MACROD2: variants seen among roughly 807,000 people sequenced by gnomAD.
MACROD2 encodes the protein ADP-ribose glycohydrolase MACROD2.
MACROD2 carries 36 observed loss-of-function variants against 70.4 expected under a neutral mutation model. That is an observed-to-expected ratio of 0.51 (90% CI 0.39 to 0.68). The LOEUF is 0.68. MACROD2 is among the 30% of genes least tolerant of loss of function. MACROD2 has a pLI of 0.00. For missense variants in MACROD2, 496 were observed against 538.4 expected (o/e 0.92, Z 0.78); for synonymous variants, 172 against 178.8 (o/e 0.96, Z 0.30).
At chr20:15,200,881 A>G (rs1012888707) in intron 5 of MACROD2, among the ~76,000 whole-genome samples, 1 of 152,206 alleles carries the variant, frequency 6.6e-6, no homozygotes, top group African/African-American at 2.4e-5. Flanking sequence ...CTGTTGCTAG[A>G]CCATGGACCA....
chr20:14,359,167 G>A (rs773745764), intron 3 of MACROD2, among the ~76,000 whole-genome samples: 1 of 151,938 alleles, frequency 6.6e-6, no homozygotes, highest in Non-Finnish European at 1.5e-5. Flanking sequence ...CAGCCTGGGC[G>A]ACAGAGCAAG....
At chr20:14,994,745 GCCA>G (rs2074935395) in intron 5 of MACROD2, among the ~76,000 whole-genome samples, 1 of 152,146 alleles carries the variant, frequency 6.6e-6, no homozygotes, top group Non-Finnish European at 1.5e-5. Context: ...ATGCAAAAAT[GCCA>G]CTGTTTCAAT....
chr20:15,044,102 C>T (rs895282236), intron 5 of MACROD2, among the ~76,000 whole-genome samples: 1 of 152,134 alleles, frequency 6.6e-6, no homozygotes, highest in Non-Finnish European at 1.5e-5. Context: ...GCCTATCTCC[C>T]CTCCATGGAG....
At chr20:14,012,069 G>A (rs1371703280) in intron 2 of MACROD2, among the ~76,000 whole-genome samples, 1 of 151,938 alleles carries the variant, frequency 6.6e-6, no homozygotes, top group Non-Finnish European at 1.5e-5. Flanking sequence ...CCCCCGCCCA[G>A]CTAAATTTTG....
intron 3 of MACROD2, among the ~76,000 whole-genome samples, chr20:14,308,456 T>C (rs930758599): frequency 2.0e-5 from 3 of 152,066 alleles, no homozygotes; most frequent in African/African-American, 7.3e-5. Context: ...TGTGAGGGTG[T>C]TATTATTTTT....
chr20:14,428,313 CTCGAT>C (rs2083957520), intron 3 of MACROD2, among the ~76,000 whole-genome samples: 1 of 151,988 alleles, frequency 6.6e-6, no homozygotes, highest in South Asian at 2.1e-4. Context: ...AAAAATATGA[CTCGAT>C]TAATAAGATT....
chr20:14,188,952 A>G (rs1394275177), intron 3 of MACROD2, among the ~76,000 whole-genome samples: 1 of 152,128 alleles, frequency 6.6e-6, no homozygotes, highest in African/African-American at 2.4e-5. Context: ...AGTGCTTCTC[A>G]TTCTATTTCA....
chr20:14,538,206 T>C lies in MACROD2; in HGVS notation c.301+44698T>C, dbSNP rs1295666987. Among the ~76,000 whole-genome samples, 6 of 152,316 alleles carry C rather than the reference T, an allele frequency of 3.9e-5. No homozygotes were observed. In the East Asian group the frequency reaches 5.8e-4, roughly 15 times the overall value. ...CAACCGTGGGAGGGGGTGGAGCATA[T>C]GACCTGAGTAAGCTGTCTAGAGTCT... is the stretch of plus-strand genomic sequence containing the variant. On this transcript the variant is annotated intron_variant, in intron 4 of 17. Coordinates refer to ENST00000684519, the MANE Select transcript of MACROD2 (RefSeq NM_001351661.2).
chr20:15,093,520 G>A (rs918111442), intron 5 of MACROD2, among the ~76,000 whole-genome samples: 13 of 152,110 alleles, frequency 8.5e-5, no homozygotes, highest in Admixed American at 2.6e-4. Flanking sequence ...AGCTTGGTCC[G>A]TTGTGAAAAG....
chr20:15,548,910 G>A (rs983575847), intron 8 of MACROD2, among the ~76,000 whole-genome samples: 2 of 152,152 alleles, frequency 1.3e-5, no homozygotes, highest in Admixed American at 6.5e-5. Flanking sequence ...CCAGCCAATA[G>A]CCAGCATCAA....
chr20:14,846,023 A>G (rs549951463), intron 5 of MACROD2, among the ~76,000 whole-genome samples: 15 of 152,176 alleles, frequency 9.9e-5, no homozygotes, highest in Non-Finnish European at 2.1e-4. Context: ...TAATTTATCC[A>G]GGTGTTCTAT....
At chr20:15,088,268 G>A (rs1284797430) in intron 5 of MACROD2, among the ~76,000 whole-genome samples, 1 of 151,230 alleles carries the variant, frequency 6.6e-6, no homozygotes, top group Non-Finnish European at 1.5e-5. Flanking sequence ...AGTGTCTTTT[G>A]GTAAGAGAAT....
intron 4 of MACROD2, chr20:14,494,097 A>C (rs2084825102): frequency 6.6e-6 from 1 of 152,060 alleles, no homozygotes; most frequent in South Asian, 2.1e-4. Context: ...TGATACTAAA[A>C]TCTTGTAACT....
At chr20:14,647,003 C>A (rs1425002341) in intron 4 of MACROD2, among the ~76,000 whole-genome samples, 3 of 152,058 alleles carry the variant, frequency 2.0e-5, no homozygotes, top group Non-Finnish European at 4.4e-5. Flanking sequence ...TGCCGACCTT[C>A]TTGATGATCC....
At chr20:14,437,486 T>G (rs1424479142) in intron 3 of MACROD2, among the ~76,000 whole-genome samples, 3 of 151,980 alleles carry the variant, frequency 2.0e-5, no homozygotes, top group Admixed American at 2.0e-4. Context: ...CCTAGATACT[T>G]GGGAGGCTAA....
chr20:15,185,558 G>C (rs907738639), intron 5 of MACROD2, among the ~76,000 whole-genome samples: 2 of 152,068 alleles, frequency 1.3e-5, no homozygotes, highest in Admixed American at 6.6e-5. Flanking sequence ...ATTAGCTTAG[G>C]AACTCTTTAA....
intron 3 of MACROD2, among the ~76,000 whole-genome samples, chr20:14,188,703 A>T (rs2081363114): frequency 6.6e-6 from 1 of 151,972 alleles, no homozygotes; most frequent in Admixed American, 6.6e-5. Flanking sequence ...TTTGCCTTAA[A>T]TTTTTTTTAA....
At chr20:14,832,443 G>C (rs1267317498) in intron 5 of MACROD2, among the ~76,000 whole-genome samples, 1 of 151,894 alleles carries the variant, frequency 6.6e-6, no homozygotes, top group African/African-American at 2.4e-5. Context: ...GGTATGGAAT[G>C]GCAGTTTGAG....
intron 5 of MACROD2, among the ~76,000 whole-genome samples, chr20:14,784,915 G>A (rs781773337): frequency 9.9e-5 from 15 of 151,900 alleles, no homozygotes; most frequent in Non-Finnish European, 1.5e-5. Flanking sequence ...TTTACATATA[G>A]TATATCATTA....
Sources: allele counts gnomAD v4.1 joint callset (sites outside exome capture counted in the v4.1 genomes callset), GRCh38; gene constraint gnomAD v4.1.1; transcripts MANE v1.5; gene names NCBI Gene and HGNC (gene_info 2026-07-23, HGNC 2026-07-21).